Variants in CCDC170 observed in about 807,000 individuals in gnomAD.
The protein encoded by CCDC170 is coiled-coil domain containing 170.
A neutral mutation model predicts 72.6 loss-of-function variants in CCDC170; 69 were observed. The observed-to-expected ratio is 0.95, with a 90% CI of 0.78 to 1.16. The LOEUF (loss-of-function observed/expected upper bound fraction) is 1.16. CCDC170 is among the 50% of genes most tolerant of loss of function. CCDC170 has a pLI of 0.00. For missense variants in CCDC170, 852 were observed against 832.5 expected (o/e 1.02, Z -0.29); for synonymous variants, 300 against 303.9 (o/e 0.99, Z 0.13).
At chr6:151,605,576 C>A (rs188216175) in intron 9 of CCDC170, among the ~76,000 whole-genome samples, 1 of 152,206 alleles carries the variant, frequency 6.6e-6, no homozygotes, top group African/African-American at 2.4e-5. Flanking sequence ...AAACTGTCCT[C>A]TTACCAGGGA....
At chr6:151,592,854 G>A (rs530279683) in intron 7 of CCDC170, among the ~76,000 whole-genome samples, 1 of 152,306 alleles carries the variant, frequency 6.6e-6, no homozygotes, top group South Asian at 2.1e-4. Flanking sequence ...GTTAAGAAAA[G>A]TATATAATAT....
intron 4 of CCDC170, 92 bp downstream of exon 4, chr6:151,544,808 C>T: frequency 7.6e-7 from 1 of 1,311,908 alleles, no homozygotes; most frequent in East Asian, 2.3e-5. Flanking sequence ...TTGGGGGTGG[C>T]AGGAGAATGG....
At chr6:151,529,690 G>C (rs1034782060) in intron 1 of CCDC170, among the ~76,000 whole-genome samples, 1 of 151,988 alleles carries the variant, frequency 6.6e-6, no homozygotes, top group Non-Finnish European at 1.5e-5. Flanking sequence ...ATGGTATAAC[G>C]AATATCTTTA....
chr6:151,558,853 C>T (rs1208541355), intron 5 of CCDC170, among the ~76,000 whole-genome samples: 2 of 152,000 alleles, frequency 1.3e-5, no homozygotes, highest in African/African-American at 4.8e-5. Flanking sequence ...GTTCTTTTTG[C>T]TCAGGATTGC....
chr6:151,578,905 G>T (rs2115096677), intron 6 of CCDC170, among the ~76,000 whole-genome samples: 1 of 152,184 alleles, frequency 6.6e-6, no homozygotes, highest in East Asian at 1.9e-4. Context: ...TTAATTTTAG[G>T]ACAAAATTGT....
chr6:151,516,141 A>G (rs1219062382), intron 1 of CCDC170, among the ~76,000 whole-genome samples: 1 of 151,972 alleles, frequency 6.6e-6, no homozygotes, highest in Admixed American at 6.6e-5. Flanking sequence ...GTTATCTGTC[A>G]TATAATGCTA....
At chr6:151,541,880 A>ACT in intron 3 of CCDC170, among the ~76,000 whole-genome samples, 1 of 61,194 alleles carries the variant, frequency 1.6e-5, no homozygotes, top group African/African-American at 4.6e-5. Context: ...ATATATATAT[A>ACT]TATATATTTT....
chr6:151,514,353 G>GAGGGAAGGGAAGA (rs1562267912), intron 1 of CCDC170, among the ~76,000 whole-genome samples: 90 of 101,528 alleles, frequency 8.9e-4, no homozygotes, highest in African/African-American at 4.3e-3. Context: ...GGGAGGGAGG[G>GAGGGAAGGGAAGA]AGGGAGGGAG....
At chr6:151,517,436 T>TC (rs200238298) in intron 1 of CCDC170, among the ~76,000 whole-genome samples, 6,669 of 132,646 alleles carry the variant, frequency 0.05, 280 homozygotes, top group East Asian at 0.19. Flanking sequence ...TTCTTCTTCT[T>TC]TTTTTTTTTT....
At chr6:151,499,083 C>CAGACTGTATTTGACTATTCT (rs1781951631) in intron 1 of CCDC170, among the ~76,000 whole-genome samples, 1 of 140,148 alleles carries the variant, frequency 7.1e-6, no homozygotes, top group Admixed American at 7.3e-5. Flanking sequence ...TAAGTGGAAT[C>CAGACTGTATTTGACTATTCT]AGACTGTATT....
At chr6:151,494,283 G>A in intron 1 of CCDC170, 98 bp downstream of exon 1, 3 of 1,259,244 alleles carry the variant, frequency 2.4e-6, no homozygotes, top group East Asian at 3.1e-5. Flanking sequence ...TTTCCTCCCG[G>A]AGGCGTGGGC....
chr6:151,517,905 T>C (rs1782260263), intron 1 of CCDC170, among the ~76,000 whole-genome samples: 1 of 152,114 alleles, frequency 6.6e-6, no homozygotes, highest in African/African-American at 2.4e-5. Flanking sequence ...AATTTTTCTT[T>C]ACGGCCATTT....
intron 1 of CCDC170, among the ~76,000 whole-genome samples, chr6:151,512,405 G>A (rs181559266): frequency 1.3e-3 from 202 of 151,612 alleles, no homozygotes; most frequent in African/African-American, 4.6e-3. Context: ...AGTGATCCAC[G>A]GGCCTTGGCC....
Position 151,583,460 on chromosome 6 carries a change from C to T in CCDC170, c.1093-2429C>T, listed in dbSNP as rs142670498. Among the ~76,000 whole-genome samples the T allele has an allele frequency of 1.4e-4, 21 of 151,906 alleles. 1 individual carries two copies. In the East Asian group the frequency reaches 2.7e-3, roughly 20 times the overall value. Reference sequence around the variant, plus strand: ...TTAAAATGAGAGAAGTGCGACTCTTCGCTTTTTTTTATTTGAGATGGAAGT... The same window carrying T: ...TTAAAATGAGAGAAGTGCGACTCTTTGCTTTTTTTTATTTGAGATGGAAGT... On this transcript the variant is annotated intron_variant, in intron 6 of 10. Transcript: ENST00000239374.
At chr6:151,558,843 G>A (rs1444696790) in intron 5 of CCDC170, among the ~76,000 whole-genome samples, 1 of 151,958 alleles carries the variant, frequency 6.6e-6, no homozygotes, top group Non-Finnish European at 1.5e-5. Context: ...CTTCAGCTTT[G>A]TTCTTTTTGC....
At chr6:151,603,747 C>CCAT (rs1776744183) in intron 9 of CCDC170, among the ~76,000 whole-genome samples, 1 of 152,174 alleles carries the variant, frequency 6.6e-6, no homozygotes, top group South Asian at 2.1e-4. Context: ...GTCCTCAATG[C>CCAT]CATCTTTTAG....
At chr6:151,559,012 C>CTTTTTT (rs201171602) in intron 5 of CCDC170, among the ~76,000 whole-genome samples, 1 of 125,708 alleles carries the variant, frequency 8.0e-6, no homozygotes, top group Non-Finnish European at 1.6e-5. Flanking sequence ...ATTAATTTAT[C>CTTTTTT]TTTTTTTTTT....
intron 1 of CCDC170, among the ~76,000 whole-genome samples, chr6:151,509,002 C>T (rs549048978): frequency 1.6e-5 from 2 of 125,640 alleles, no homozygotes; most frequent in African/African-American, 6.2e-5. Flanking sequence ...GCAACAAGAG[C>T]GAAACTCCTT....
intron 1 of CCDC170, among the ~76,000 whole-genome samples, chr6:151,518,713 A>G (rs1782271255): frequency 6.6e-6 from 1 of 152,192 alleles, no homozygotes; most frequent in South Asian, 2.1e-4. Context: ...CGGCTGAGAA[A>G]TAAAGAGAAA....
Sources: gnomAD v4.1 joint callset for allele counts (sites outside exome capture counted in the v4.1 genomes callset) on GRCh38, gnomAD v4.1.1 for gene constraint, MANE v1.5 for transcripts, NCBI Gene and HGNC (gene_info 2026-07-23, HGNC 2026-07-21) for gene names.